Variants in IRAK2 observed in about 807,000 individuals in gnomAD.
IRAK2 encodes interleukin 1 receptor associated kinase 2.
In IRAK2, 57 loss-of-function variants were observed where a neutral mutation model predicts 72.0. That is an observed-to-expected ratio of 0.79 (90% CI 0.64 to 0.99). IRAK2 has a LOEUF of 0.99. Ranked by LOEUF, IRAK2 falls within the 50% of genes least tolerant of loss-of-function variation. IRAK2 has a pLI of 0.00. For missense variants in IRAK2, 790 were observed against 794.4 expected (o/e 0.99, Z 0.07); for synonymous variants, 293 against 312.7 (o/e 0.94, Z 0.67).
At chr3:10,209,498 C>G (rs997330472) in intron 3 of IRAK2, 91 bp from the exon 4 acceptor site, 2 of 761,796 alleles carry the variant, frequency 2.6e-6, no homozygotes, top group East Asian at 3.0e-5. Context: ...GGGGAGTGAA[C>G]AGGAGACTGG....
chr3:10,188,790 T>G (rs968542025), intron 2 of IRAK2, among the ~76,000 whole-genome samples: 3 of 151,992 alleles, frequency 2.0e-5, no homozygotes, highest in Non-Finnish European at 4.4e-5. Context: ...CCTCCCAAAG[T>G]GCTGGGATTA....
chr3:10,239,590 G>A (rs1326891765), intron 12 of IRAK2, among the ~76,000 whole-genome samples: 1 of 152,136 alleles, frequency 6.6e-6, no homozygotes, highest in Non-Finnish European at 1.5e-5. Context: ...AGCTGGGCAT[G>A]GTGGCGCGTG....
At chr3:10,188,420 C>T (rs778697612) in intron 2 of IRAK2, among the ~76,000 whole-genome samples, 69 of 151,870 alleles carry the variant, frequency 4.5e-4, no homozygotes, top group Non-Finnish European at 7.8e-4. Flanking sequence ...CTGCAACCTC[C>T]GCCTCCCGGG....
chr3:10,216,997 C>T lies in IRAK2; in HGVS notation c.852C>T (p.Phe284=), dbSNP rs1411929630. The T allele has an allele frequency of 6.2e-7, 1 of 1,614,130 alleles. No individual in the cohort carries two copies. Among genetic ancestry groups the T allele is most frequent in the Non-Finnish European group, 8.5e-7 (1 of 1,180,002 alleles). The part of the protein sequence containing the change: ...GFCAARQFHS[F]IYPYMANGSL... ...GTGCTGCAAGACAGTTTCACAGCTT[C>T]ATCTACCCCTACATGGCAAATGGTT... is the stretch of plus-strand genomic sequence containing the variant. Residue 284 remains phenylalanine, a synonymous_variant, in exon 7 of 13, where the codon TTC becomes TTT. Coordinates refer to ENST00000256458, the MANE Select transcript of IRAK2 (RefSeq NM_001570.4).
At chr3:10,219,930 C>T in intron 8 of IRAK2, 141 bp downstream of exon 8, 1 of 640,936 alleles carries the variant, frequency 1.6e-6, no homozygotes, top group Non-Finnish European at 2.8e-6. Context: ...CTGCCCTCCC[C>T]TGGATGTCTT....
At chr3:10,181,198 T>C (rs967351318) in intron 2 of IRAK2, among the ~76,000 whole-genome samples, 1 of 152,132 alleles carries the variant, frequency 6.6e-6, no homozygotes, top group Non-Finnish European at 1.5e-5. Context: ...TCCCCATTCC[T>C]GGAACCCACC....
intron 9 of IRAK2, 68 bp from the exon 10 acceptor site, chr3:10,226,303 C>T (rs1697774308): frequency 7.5e-7 from 1 of 1,329,146 alleles, no homozygotes; most frequent in African/African-American, 1.4e-5. Context: ...GAAGAGAAGA[C>T]AGAATCTGCT....
intron 9 of IRAK2, among the ~76,000 whole-genome samples, chr3:10,225,768 A>G (rs1325320764): frequency 3.4e-5 from 5 of 149,228 alleles, no homozygotes; most frequent in Non-Finnish European, 1.5e-5. Context: ...GTGCGATCTC[A>G]GTTCACTGCA....
chr3:10,171,794 C>CCG, intron 1 of IRAK2, among the ~76,000 whole-genome samples: 1 of 144,548 alleles, frequency 6.9e-6, no homozygotes, highest in African/African-American at 2.6e-5. Context: ...GAGACGGAGT[C>CCG]TCACTCTGTT....
At chr3:10,221,154 T>A (rs1001463891) in intron 8 of IRAK2, among the ~76,000 whole-genome samples, 22 of 148,204 alleles carry the variant, frequency 1.5e-4, no homozygotes, top group Non-Finnish European at 2.1e-4. Context: ...GCACTTTGGG[T>A]GGCCAAGGCG....
At chr3:10,165,953 C>T (rs1448832263) in intron 1 of IRAK2, among the ~76,000 whole-genome samples, 1 of 151,992 alleles carries the variant, frequency 6.6e-6, no homozygotes, top group Non-Finnish European at 1.5e-5. Flanking sequence ...TGGTCTGGAT[C>T]TCCTGACCTT....
At chr3:10,226,056 G>A (rs1445366132) in intron 9 of IRAK2, among the ~76,000 whole-genome samples, 3 of 152,160 alleles carry the variant, frequency 2.0e-5, no homozygotes, top group Non-Finnish European at 4.4e-5. Flanking sequence ...ATACGTGTGT[G>A]TGTATCTATA....
At chr3:10,182,782 T>C (rs1240569116) in intron 2 of IRAK2, among the ~76,000 whole-genome samples, 1 of 152,016 alleles carries the variant, frequency 6.6e-6, no homozygotes, top group African/African-American at 2.4e-5. Flanking sequence ...TTTGTTTTTT[T>C]TTTTTTGAGA....
At chr3:10,212,821 G>GTGGCGCGA (rs1422929566) in intron 4 of IRAK2, among the ~76,000 whole-genome samples, 3 of 143,576 alleles carry the variant, frequency 2.1e-5, no homozygotes, top group Non-Finnish European at 4.5e-5. Context: ...CTGGAGTGCA[G>GTGGCGCGA]TGGCGCGATC....
chr3:10,238,271 T>TTG (rs1391429625), intron 11 of IRAK2, among the ~76,000 whole-genome samples: 2 of 152,120 alleles, frequency 1.3e-5, no homozygotes, highest in Non-Finnish European at 2.9e-5. Flanking sequence ...GGTACAGCCA[T>TTG]TGTGTCTCTC....
At chr3:10,219,880 C>A in intron 8 of IRAK2, 91 bp downstream of exon 8, 1 of 800,990 alleles carries the variant, frequency 1.2e-6, no homozygotes, top group Non-Finnish European at 2.1e-6. Flanking sequence ...CCGCCACTCA[C>A]CCCTGTCCTC....
chr3:10,201,902 T>C (rs1346354485), intron 3 of IRAK2, among the ~76,000 whole-genome samples: 1 of 152,232 alleles, frequency 6.6e-6, no homozygotes, highest in Non-Finnish European at 1.5e-5. Flanking sequence ...GACTCATATT[T>C]GAATCCTAGT....
chr3:10,205,254 A>G (rs1379656906), intron 3 of IRAK2, among the ~76,000 whole-genome samples: 1 of 152,152 alleles, frequency 6.6e-6, no homozygotes, highest in East Asian at 1.9e-4. Context: ...TACCACAGAT[A>G]ACTACCCTAG....
intron 2 of IRAK2, among the ~76,000 whole-genome samples, chr3:10,197,628 G>A (rs1042293944): frequency 1.3e-5 from 2 of 151,922 alleles, no homozygotes; most frequent in Non-Finnish European, 2.9e-5. Flanking sequence ...TGAAGAGGGC[G>A]GATCATGAGG....
Sources: gnomAD v4.1 joint callset for allele counts (sites outside exome capture counted in the v4.1 genomes callset) on GRCh38, gnomAD v4.1.1 for gene constraint, MANE v1.5 for transcripts, NCBI Gene and HGNC (gene_info 2026-07-23, HGNC 2026-07-21) for gene names.